SLC35B4: variants seen among roughly 807,000 people sequenced by gnomAD.
SLC35B4 encodes the protein nucleotide sugar transporter SLC35B4.
SLC35B4 carries 28 observed loss-of-function variants against 39.5 expected under a neutral mutation model. The observed-to-expected ratio is 0.71, with a 90% CI of 0.53 to 0.97. The LOEUF is 0.97. Among genes scored for constraint, SLC35B4 ranks in the 50% least tolerant of loss-of-function variants. The pLI is 0.00. For missense variants in SLC35B4, 334 were observed against 414.3 expected (o/e 0.81, Z 1.68); for synonymous variants, 145 against 150.4 (o/e 0.96, Z 0.26).
In SLC35B4 at chr7:134,306,913, G is replaced by C. The variant is rs537470008; in HGVS notation, c.192-139C>G. On this transcript the variant is annotated intron_variant, in intron 2 of 9. Coordinates refer to ENST00000378509, the MANE Select transcript of SLC35B4 (RefSeq NM_032826.5). ...CAAGATTGCATCACTATTATGCCAT[G>C]TCAACTACTAAGTACATATCAAAAC... is the stretch of plus-strand genomic sequence containing the variant. 1.1e-3 allele frequency: 671 copies of C among 614,848 alleles called. 2 individuals are homozygous for C. Among genetic ancestry groups the C allele is most frequent in the Admixed American group, 2.2e-3 (72 of 33,060 alleles). 38.1% of individuals were successfully genotyped at this position (614,848 alleles called of 1,614,324 possible).
At chr7:134,311,827 G>T (rs1257469779) in intron 1 of SLC35B4, among the ~76,000 whole-genome samples, 1 of 152,176 alleles carries the variant, frequency 6.6e-6, no homozygotes, top group Admixed American at 6.5e-5. Context: ...CAGGGAAAGG[G>T]CTGAGAGTGT....
rs1803992111 is a variant in SLC35B4 at position 134,316,722 on chromosome 7, C to G, written c.30G>C (p.Val10=). The change falls in exon 1 of 10, where the codon GTG becomes GTC. Residue 10 remains valine (V), a synonymous_variant. Transcript: ENST00000378509. MRPALAVGL[V]FAGCCSNVIF... The stretch of plus-strand genomic sequence containing the variant: ...TCACGTTACTGCAGCAGCCTGCGAA[C>G]ACCAGGCCCACCGCCAAGGCCGGGC... 1 of 1,550,196 alleles carries G rather than the reference C, an allele frequency of 6.5e-7. No homozygotes were observed. The highest frequency in any genetic ancestry group is 8.7e-7 in the Non-Finnish European group (1 of 1,146,788).
At position 134,306,665 on chromosome 7, in the gene SLC35B4, C is replaced by T; in HGVS notation, c.294+7G>A. 6.2e-7 allele frequency: 1 copy of T among 1,606,992 alleles called. No individual in the cohort carries two copies. The highest frequency in any genetic ancestry group is 8.5e-7 in the Non-Finnish European group (1 of 1,173,928). On this transcript the variant is annotated splice_region_variant and intron_variant, in intron 3 of 9. Transcript: ENST00000378509. ...GGAACATATACACGTGATCCGGCAG[C>T]ACTTACGGATCTAAATATCATATGC...
At chr7:134,296,495 T>C (rs377076480) in intron 8 of SLC35B4, 29 bp from the exon 9 acceptor site, 229 of 1,571,720 alleles carry the variant, frequency 1.5e-4, no homozygotes, top group Non-Finnish European at 1.9e-4. Context: ...GATATAGCCA[T>C]ATTGCTTTTT....
upstream of SLC35B4, among the ~76,000 whole-genome samples, chr7:134,318,489 ATAT>A (rs1804045431): frequency 6.6e-6 from 1 of 151,092 alleles, no homozygotes; most frequent in Non-Finnish European, 1.5e-5. Context: ...ATATATATAT[ATAT>A]AACTGGTATA....
chr7:134,315,648 A>C (rs969030681), intron 1 of SLC35B4, among the ~76,000 whole-genome samples: 2 of 151,342 alleles, frequency 1.3e-5, no homozygotes, highest in Non-Finnish European at 2.9e-5. Context: ...AATCCAAAAA[A>C]AAAACAAAAA....
chr7:134,304,397 A>T (rs1803660890), intron 4 of SLC35B4, among the ~76,000 whole-genome samples: 1 of 152,206 alleles, frequency 6.6e-6, no homozygotes, highest in South Asian at 2.1e-4. Context: ...TCTCCAAAAA[A>T]AAGAAAAAAA....
intron 4 of SLC35B4, among the ~76,000 whole-genome samples, chr7:134,302,728 C>A (rs752876854): frequency 6.6e-6 from 1 of 152,050 alleles, no homozygotes; most frequent in Non-Finnish European, 1.5e-5. Context: ...ATCATTAGCA[C>A]CCTCTCAGAT....
intron 9 of SLC35B4, among the ~76,000 whole-genome samples, chr7:134,295,404 ATC>A (rs1394670822): frequency 1.3e-5 from 2 of 151,984 alleles, no homozygotes; most frequent in Non-Finnish European, 2.9e-5. Context: ...ACCTTTATTT[ATC>A]TTGCCTCCAG....
chr7:134,302,111 C>G lies in SLC35B4; in HGVS notation c.345-1G>C. The G allele has an allele frequency of 6.2e-7, 1 of 1,602,346 alleles. No individual in the cohort carries two copies. The highest frequency in any genetic ancestry group is 8.5e-7 in the Non-Finnish European group (1 of 1,176,944). ...GGAGGTATATTTGAATATACTGTAT[C>G]TGCAAAAAAGAAAAAAAAGAAGAAA... is the stretch of plus-strand genomic sequence containing the variant. On this transcript the variant is annotated splice_acceptor_variant, in intron 4 of 9. Transcript: ENST00000378509. LOFTEE classifies it high-confidence loss of function.
At chr7:134,319,845 T>C (rs1379139576), upstream of SLC35B4, among the ~76,000 whole-genome samples, 2 of 152,224 alleles carry the variant, frequency 1.3e-5, no homozygotes. Flanking sequence ...TTATTTGCTC[T>C]TTATATCCCA....
At chr7:134,299,274 T>C (rs1360226789) in intron 8 of SLC35B4, 1 of 412,246 alleles carries the variant, frequency 2.4e-6, no homozygotes, top group African/African-American at 2.1e-5. Flanking sequence ...CACATTCAAA[T>C]GCAAACACAC....
chr7:134,292,970 C>T lies in SLC35B4; in HGVS notation c.*1863G>A, dbSNP rs1803366055. The T allele has an allele frequency of 6.6e-6, 1 of 152,192 alleles. No individual in the cohort carries two copies. Among genetic ancestry groups the T allele is most frequent in the Non-Finnish European group, 1.5e-5 (1 of 68,048 alleles). 9.4% of individuals were successfully genotyped at this position (152,192 alleles called of 1,614,324 possible). On this transcript the variant is annotated 3_prime_UTR_variant, in exon 10 of 10. Transcript: ENST00000378509. ...AAACCCGAGGCAGCTTAAATGACTT[C>T]TCCAAGCGACCTGGTGACTCTAGGA...
intron 4 of SLC35B4, among the ~76,000 whole-genome samples, chr7:134,304,339 C>T (rs767818329): frequency 2.0e-5 from 3 of 150,202 alleles, no homozygotes; most frequent in East Asian, 2.0e-4. Context: ...TGCAGTGAGC[C>T]GAGATCACAC....
chr7:134,311,972 A>G (rs922491609), intron 1 of SLC35B4, among the ~76,000 whole-genome samples: 1 of 152,196 alleles, frequency 6.6e-6, no homozygotes, highest in African/African-American at 2.4e-5. Flanking sequence ...GTCACTTGCT[A>G]TGTGACAGAA....
In SLC35B4 at chr7:134,294,667, C is replaced by T. The variant is rs1803415943; in HGVS notation, c.*166G>A. On this transcript the variant is annotated 3_prime_UTR_variant, in exon 10 of 10. Transcript: ENST00000378509. ...GGCTGAGGGGTTTCTATTTAGTCTACATGTGTCAGTCTGAGCAACGTGAGA... is the reference window on the plus strand; with the variant it reads ...GGCTGAGGGGTTTCTATTTAGTCTATATGTGTCAGTCTGAGCAACGTGAGA... The T allele has an allele frequency of 4.0e-6, 3 of 748,606 alleles. No homozygotes were observed. Among genetic ancestry groups the T allele is most frequent in the East Asian group, 5.5e-5 (2 of 36,550 alleles). 46.4% of individuals were successfully genotyped at this position (748,606 alleles called of 1,614,324 possible).
chr7:134,306,492 C>T (rs540077327), intron 3 of SLC35B4, among the ~76,000 whole-genome samples, 180 bp downstream of exon 3: 1 of 139,406 alleles, frequency 7.2e-6, no homozygotes, highest in African/African-American at 2.7e-5. Context: ...AAACCATCCA[C>T]TTTGAGATTT....
chr7:134,299,608 G>T lies in SLC35B4; in HGVS notation c.598-10C>A. ...GAAGTGGAAGGGCGTGCTATGGAAA[G>T]AAACAGGTCAGATAAATGTAAGTGC... On this transcript the variant is annotated splice_polypyrimidine_tract_variant and intron_variant, in intron 7 of 9. Coordinates refer to ENST00000378509, the MANE Select transcript of SLC35B4 (RefSeq NM_032826.5). 4 of 1,610,580 alleles carry T rather than the reference G, an allele frequency of 2.5e-6. No homozygotes were observed. The highest frequency in any genetic ancestry group is 3.4e-6 in the Non-Finnish European group (4 of 1,177,250).
chr7:134,308,676 T>A (rs1012487181), intron 2 of SLC35B4, among the ~76,000 whole-genome samples: 1 of 152,186 alleles, frequency 6.6e-6, no homozygotes, highest in Non-Finnish European at 1.5e-5. Context: ...AGTGACATCA[T>A]CCTACTAAAT....
Sources: gnomAD v4.1 joint callset for allele counts (sites outside exome capture counted in the v4.1 genomes callset) on GRCh38, gnomAD v4.1.1 for gene constraint, MANE v1.5 for transcripts, NCBI Gene and HGNC (gene_info 2026-07-23, HGNC 2026-07-21) for gene names.